The following FAM3D variants were observed in gnomAD, a reference collection of about 807,000 sequenced individuals.
FAM3D encodes the protein FAM3 metabolism regulating signaling molecule D, also known as protein FAM3D.
FAM3D carries 26 observed loss-of-function variants against 29.8 expected under a neutral mutation model. That is an observed-to-expected ratio of 0.87 (90% CI 0.64 to 1.21). FAM3D has a LOEUF of 1.21. FAM3D is among the 50% of genes most tolerant of loss of function. FAM3D has a pLI of 0.00. For synonymous variants in FAM3D, 115 were observed against 102.3 expected (o/e 1.12, Z -0.75); for missense variants, 253 against 290.9 (o/e 0.87, Z 0.95).
In FAM3D at chr3:58,636,260, C is replaced by T. The variant is rs745925161; in HGVS notation, c.585+34G>A. ...TACCACCACCCAGCTCCTCATGCAT[C>T]CTTCATAGGGCCGGGTTGTGGCCCA... On this transcript the variant is annotated intron_variant, in intron 9 of 9. Transcript: ENST00000358781. 9 of 1,603,866 alleles carry T rather than the reference C, an allele frequency of 5.6e-6. No homozygotes were observed. The African/African-American group carries it at 6.7e-5, about 12-fold the overall frequency.
intron 4 of FAM3D, among the ~76,000 whole-genome samples, chr3:58,647,765 C>T (rs1206081767): frequency 6.6e-6 from 1 of 152,144 alleles, no homozygotes; most frequent in Non-Finnish European, 1.5e-5. Flanking sequence ...ATCCCTGAGG[C>T]CCAACCCCCC....
chr3:58,654,730 T>C (rs1229741413), intron 2 of FAM3D, among the ~76,000 whole-genome samples: 1 of 151,536 alleles, frequency 6.6e-6, no homozygotes, highest in Non-Finnish European at 1.5e-5. Context: ...CTCTAGAGCC[T>C]TGAACTAGTC....
At chr3:58,639,798 G>C (rs1189676716) in intron 7 of FAM3D, among the ~76,000 whole-genome samples, 1 of 152,232 alleles carries the variant, frequency 6.6e-6, no homozygotes, top group Non-Finnish European at 1.5e-5. Context: ...TGGAGATGGA[G>C]GAGGGCCGGG....
intron 1 of FAM3D, among the ~76,000 whole-genome samples, chr3:58,663,776 T>C (rs1480714880): frequency 1.3e-5 from 2 of 152,182 alleles, no homozygotes; most frequent in Non-Finnish European, 2.9e-5. Flanking sequence ...CAGTTGTACC[T>C]GCAGAAAGGT....
At chr3:58,654,943 T>C (rs2066748621) in intron 2 of FAM3D, among the ~76,000 whole-genome samples, 1 of 152,218 alleles carries the variant, frequency 6.6e-6, no homozygotes, top group Non-Finnish European at 1.5e-5. Flanking sequence ...CAGTTCATTC[T>C]CTGAGTAACC....
In FAM3D at chr3:58,649,161, G is replaced by C. The variant is rs556832935; in HGVS notation, c.145+154C>G. Among the ~76,000 whole-genome samples the C allele has an allele frequency of 1.6e-4, 24 of 152,330 alleles. 1 individual carries two copies. In the South Asian group the frequency reaches 4.8e-3, roughly 30 times the overall value. On this transcript the variant is annotated intron_variant, in intron 4 of 9. Transcript: ENST00000358781. ...CTTCAGAAGGCACCATTGGGCCATG[G>C]GAGGAGAGGACTGGGAAGAATCAGG...
At chr3:58,658,316 C>A (rs1217231108) in intron 1 of FAM3D, among the ~76,000 whole-genome samples, 1 of 152,284 alleles carries the variant, frequency 6.6e-6, no homozygotes, top group East Asian at 1.9e-4. Flanking sequence ...AATGATTAAA[C>A]CACCAGATAG....
At chr3:58,661,206 C>T (rs1227661348) in intron 1 of FAM3D, among the ~76,000 whole-genome samples, 2 of 152,178 alleles carry the variant, frequency 1.3e-5, no homozygotes, top group Non-Finnish European at 2.9e-5. Context: ...CTGGGTGTGG[C>T]CTCTTTTAGC....
intron 7 of FAM3D, among the ~76,000 whole-genome samples, chr3:58,638,938 G>A (rs1044379103): frequency 1.3e-5 from 2 of 152,280 alleles, no homozygotes; most frequent in African/African-American, 4.8e-5. Flanking sequence ...CTGGATGGAC[G>A]GTGGGTATTT....
At chr3:58,652,954 A>T (rs1434823453) in intron 3 of FAM3D, among the ~76,000 whole-genome samples, 1 of 130,834 alleles carries the variant, frequency 7.6e-6, no homozygotes, top group Non-Finnish European at 1.6e-5. Context: ...CCATCCACCC[A>T]CCCATTTATC....
chr3:58,641,567 A>G (rs1345329386), intron 6 of FAM3D, among the ~76,000 whole-genome samples: 2 of 151,958 alleles, frequency 1.3e-5, no homozygotes, highest in African/African-American at 2.4e-5. Flanking sequence ...GGGGTGGTTC[A>G]CTGTTACTCA....
rs764863969 is a variant in FAM3D, at chr3:58,645,571, C to T, written c.201G>A (p.Ala67=). 18 of 1,614,086 alleles carry T rather than the reference C, an allele frequency of 1.1e-5. No individual in the cohort carries two copies. The highest frequency in any genetic ancestry group is 5.0e-5 in the Admixed American group (3 of 60,006). Residue 67 remains alanine (A), a synonymous_variant, in exon 5 of 10, where the codon GCG becomes GCA. Transcript: ENST00000358781. ...LIKPCPANYF[A]FKICSGAANV... The stretch of plus-strand genomic sequence containing the variant: ...TGGCGGCCCCACTGCAGATTTTAAA[C>T]GCAAAGTAGTTGGCTGGGCAGGGCT...
At chr3:58,637,283 C>A in intron 7 of FAM3D, 58 bp from the exon 8 acceptor site, 1 of 1,478,292 alleles carries the variant, frequency 6.8e-7, no homozygotes, top group South Asian at 1.2e-5. Context: ...TGGTCATTCT[C>A]ATGCTTGTCT....
intron 3 of FAM3D, among the ~76,000 whole-genome samples, chr3:58,649,567 GCA>G (rs72403131): frequency 0.052 from 7,914 of 151,500 alleles, 261 homozygotes; most frequent in Non-Finnish European, 0.074. Context: ...ATATACACAT[GCA>G]CACACACACA....
chr3:58,647,657 A>G (rs1321483969), intron 4 of FAM3D, among the ~76,000 whole-genome samples: 1 of 152,194 alleles, frequency 6.6e-6, no homozygotes, highest in Non-Finnish European at 1.5e-5. Context: ...ACGCTGCTGG[A>G]TGAAGGGAGA....
At chr3:58,637,628 C>G (rs1413161955) in intron 7 of FAM3D, among the ~76,000 whole-genome samples, 1 of 152,246 alleles carries the variant, frequency 6.6e-6, no homozygotes, top group Non-Finnish European at 1.5e-5. Context: ...CTGGACAATG[C>G]CCAGATTATC....
At chr3:58,638,745 T>C (rs1026689018) in intron 7 of FAM3D, among the ~76,000 whole-genome samples, 20 of 152,192 alleles carry the variant, frequency 1.3e-4, no homozygotes, top group African/African-American at 4.3e-4. Flanking sequence ...TCTAGGACCT[T>C]GGGGAAGAAG....
chr3:58,658,881 C>A (rs2066876412), intron 1 of FAM3D, among the ~76,000 whole-genome samples: 1 of 152,190 alleles, frequency 6.6e-6, no homozygotes, highest in African/African-American at 2.4e-5. Flanking sequence ...TACGGTGCAT[C>A]CCTCCTGTGG....
At chr3:58,661,611 T>C (rs1308753498) in intron 1 of FAM3D, among the ~76,000 whole-genome samples, 1 of 152,214 alleles carries the variant, frequency 6.6e-6, no homozygotes, top group Non-Finnish European at 1.5e-5. Context: ...GGAGTCTGTA[T>C]AACGTGGTGG....
Sources: allele counts gnomAD v4.1 joint callset (sites outside exome capture counted in the v4.1 genomes callset), GRCh38; gene constraint gnomAD v4.1.1; transcripts MANE v1.5; gene names NCBI Gene and HGNC (gene_info 2026-07-23, HGNC 2026-07-21).